VAV3: variants seen among roughly 807,000 people sequenced by gnomAD.
VAV3 encodes the protein guanine nucleotide exchange factor VAV3.
In VAV3, 94 loss-of-function variants were observed where a neutral mutation model predicts 131.2. The ratio of observed to expected loss-of-function variants is 0.72; its 90% CI spans 0.61 to 0.85. The LOEUF is 0.85. Ranked by LOEUF, VAV3 falls within the 40% of genes least tolerant of loss-of-function variation. The probability of loss-of-function intolerance (pLI) is 0.00; values close to 1 mark genes in which losing one functional copy is unlikely to be tolerated. For missense variants in VAV3, 939 were observed against 1,002.7 expected, an observed-to-expected ratio of 0.94 and a Z score of 0.86; for synonymous variants, 349 against 342.0, an observed-to-expected ratio of 1.02 and a Z score of -0.22.
chr1:107,624,509 C>T (rs1419568214), intron 20 of VAV3, among the ~76,000 whole-genome samples: 1 of 151,276 alleles, frequency 6.6e-6, no homozygotes, highest in Non-Finnish European at 1.5e-5. Context: ...CGTTGTTACT[C>T]AATACAAAAT....
At chr1:107,721,534 T>C (rs570641350) in intron 15 of VAV3, among the ~76,000 whole-genome samples, 33 of 152,242 alleles carry the variant, frequency 2.2e-4, no homozygotes, top group Non-Finnish European at 3.5e-4. Context: ...TGGGTGCTTG[T>C]AGAGGCAGCA....
chr1:107,682,734 C>T (rs769310498), intron 19 of VAV3, among the ~76,000 whole-genome samples: 1 of 152,126 alleles, frequency 6.6e-6, no homozygotes, highest in Non-Finnish European at 1.5e-5. Context: ...ACACATAGTC[C>T]AGATTATTTT....
At chr1:107,915,737 A>G (rs1672584927) in intron 1 of VAV3, among the ~76,000 whole-genome samples, 2 of 152,222 alleles carry the variant, frequency 1.3e-5, no homozygotes, top group South Asian at 4.1e-4. Flanking sequence ...CCTGACATCT[A>G]CAGGAATCCA....
chr1:107,703,653 A>G (rs1016520970), intron 17 of VAV3, among the ~76,000 whole-genome samples: 1 of 152,228 alleles, frequency 6.6e-6, no homozygotes, highest in African/African-American at 2.4e-5. Flanking sequence ...GAAATGAGCT[A>G]TTCTCTGTTT....
chr1:107,704,715 G>T, intron 16 of VAV3, 65 bp from the exon 17 acceptor site: 3 of 1,330,228 alleles, frequency 2.3e-6, no homozygotes, highest in Non-Finnish European at 3.2e-6. Context: ...TGAAATTACT[G>T]CAAGAAGAAG....
At chr1:107,730,920 G>C (rs1570847455) in intron 15 of VAV3, among the ~76,000 whole-genome samples, 2 of 152,070 alleles carry the variant, frequency 1.3e-5, no homozygotes, top group African/African-American at 4.8e-5. Context: ...CTCAGCTTCT[G>C]TCATTTGCTA....
chr1:107,716,646 T>C (rs547314475), intron 15 of VAV3, among the ~76,000 whole-genome samples: 1 of 152,352 alleles, frequency 6.6e-6, no homozygotes, highest in East Asian at 1.9e-4. Flanking sequence ...CAGTATTTTA[T>C]TGAGGATTTT....
chr1:107,832,094 C>G (rs1668276961), intron 2 of VAV3, among the ~76,000 whole-genome samples: 2 of 152,198 alleles, frequency 1.3e-5, no homozygotes, highest in South Asian at 4.1e-4. Context: ...TCAGTCTCAT[C>G]TGGCAAGTAA....
chr1:107,798,191 C>T (rs995398884), intron 2 of VAV3, among the ~76,000 whole-genome samples: 1 of 152,176 alleles, frequency 6.6e-6, no homozygotes, highest in African/African-American at 2.4e-5. Context: ...AGGCTGAATT[C>T]ATAATTCATG....
At chr1:107,949,773 AT>A (rs1450854777) in intron 1 of VAV3, among the ~76,000 whole-genome samples, 2 of 152,234 alleles carry the variant, frequency 1.3e-5, no homozygotes, top group Non-Finnish European at 2.9e-5. Flanking sequence ...ATCTCAACTT[AT>A]GCATTTCTTG....
rs1291792267 is a variant in VAV3, at chr1:107,596,246, T to G, written c.2316A>C (p.Ser772=). 1.2e-6 allele frequency: 2 copies of G among 1,613,630 alleles called. No individual in the cohort carries two copies. Among genetic ancestry groups the G allele is most frequent in the Non-Finnish European group, 1.7e-6 (2 of 1,179,586 alleles). Residue 772 remains serine (S), a synonymous_variant, in exon 25 of 27, where the codon TCA becomes TCC. Transcript: ENST00000370056. The part of the protein sequence containing the change: ...LQFPYKEPEH[S]AGQRGNRAGN... ...CTGCTCTATTACCCCTCTGTCCAGCTGAATGTTCTGGCTCCTTGTATGGAA... is the reference window on the plus strand; with the variant it reads ...CTGCTCTATTACCCCTCTGTCCAGCGGAATGTTCTGGCTCCTTGTATGGAA...
chr1:107,803,964 G>A (rs948219155), intron 2 of VAV3, among the ~76,000 whole-genome samples: 8 of 151,970 alleles, frequency 5.3e-5, no homozygotes, highest in African/African-American at 1.9e-4. Flanking sequence ...TTTTCCTGCT[G>A]AATTGACCCC....
At chr1:107,873,162 T>C (rs1434778646) in intron 2 of VAV3, among the ~76,000 whole-genome samples, 1 of 152,156 alleles carries the variant, frequency 6.6e-6, no homozygotes, top group East Asian at 1.9e-4. Context: ...AATACATTTA[T>C]CCTTGAGAAG....
intron 19 of VAV3, among the ~76,000 whole-genome samples, chr1:107,671,759 T>C (rs1657812156): frequency 7.4e-6 from 1 of 135,842 alleles, no homozygotes; most frequent in South Asian, 2.4e-4. Context: ...AAGTTAGGCT[T>C]AGTTTGTCAT....
intron 17 of VAV3, among the ~76,000 whole-genome samples, chr1:107,697,417 GGGAA>G (rs2101813737): frequency 6.6e-6 from 1 of 152,234 alleles, no homozygotes; most frequent in African/African-American, 2.4e-5. Flanking sequence ...AAAACAGAAG[GGGAA>G]TGGAGGTCAA....
chr1:107,669,693 T>C (rs1657647555), intron 19 of VAV3, among the ~76,000 whole-genome samples: 1 of 152,212 alleles, frequency 6.6e-6, no homozygotes. Flanking sequence ...TTTTTTCTTT[T>C]TTTTTAGATT....
intron 1 of VAV3, among the ~76,000 whole-genome samples, chr1:107,949,639 T>A (rs1328432403): frequency 6.6e-6 from 1 of 152,202 alleles, no homozygotes; most frequent in Admixed American, 6.5e-5. Context: ...ATCTTTTGTG[T>A]TACCACTCAT....
intron 1 of VAV3, among the ~76,000 whole-genome samples, chr1:107,919,391 CTGA>C (rs1298300190): frequency 3.3e-5 from 5 of 152,168 alleles, no homozygotes; most frequent in Admixed American, 6.5e-5. Flanking sequence ...TTCCATGTGG[CTGA>C]TAAGTTCTGA....
intron 2 of VAV3, among the ~76,000 whole-genome samples, chr1:107,844,420 AG>A (rs1457333226): frequency 6.6e-6 from 1 of 152,220 alleles, no homozygotes; most frequent in African/African-American, 2.4e-5. Context: ...AGTTAGCTGC[AG>A]AAGTTTTTTT....
Sources: allele counts gnomAD v4.1 joint callset (sites outside exome capture counted in the v4.1 genomes callset), GRCh38; gene constraint gnomAD v4.1.1; transcripts MANE v1.5; gene names NCBI Gene and HGNC (gene_info 2026-07-23, HGNC 2026-07-21).